TMEM47: variants seen among roughly 807,000 people sequenced by gnomAD.
TMEM47 encodes brain cell membrane protein 1.
TMEM47 carries 3 observed loss-of-function variants against 12.4 expected under a neutral mutation model. The observed-to-expected ratio is 0.24, with a 90% CI of 0.11 to 0.63. TMEM47 has a LOEUF of 0.63. Ranked by LOEUF, TMEM47 falls within the 20% of genes least tolerant of loss-of-function variation. The pLI is 0.86. For synonymous variants in TMEM47, 62 were observed against 63.3 expected, an observed-to-expected ratio of 0.98 and a Z score of 0.10; for missense variants, 89 against 143.8, an observed-to-expected ratio of 0.62 and a Z score of 1.95.
At chrX:34,651,699 A>G (rs1019467910) in intron 1 of TMEM47, among the ~76,000 whole-genome samples, 5 of 112,101 alleles carry the variant, frequency 4.5e-5, no homozygotes, top group Admixed American at 9.5e-5. Context: ...AGTTTCCTCA[A>G]TAATATATAG....
At chrX:34,638,226 T>C (rs1921750662) in intron 2 of TMEM47, among the ~76,000 whole-genome samples, 1 of 111,570 alleles carries the variant, frequency 9.0e-6, no homozygotes, top group Admixed American at 9.6e-5. Context: ...TATGCGATCT[T>C]GAGCAAGTCA....
chrX:34,652,996 G>C (rs920165399), intron 1 of TMEM47, among the ~76,000 whole-genome samples: 4 of 111,882 alleles, frequency 3.6e-5, no homozygotes, highest in African/African-American at 1.3e-4. Context: ...TTCGAATTAA[G>C]GAATAAATGC....
intron 1 of TMEM47, among the ~76,000 whole-genome samples, chrX:34,641,209 G>T (rs972862733): frequency 1.8e-5 from 2 of 110,506 alleles, no homozygotes; most frequent in African/African-American, 6.6e-5. Context: ...TCTAAAAACA[G>T]GTGTGTAAAT....
At chrX:34,643,856 A>T (rs1477580620) in intron 1 of TMEM47, among the ~76,000 whole-genome samples, 2 of 110,688 alleles carry the variant, frequency 1.8e-5, no homozygotes, top group African/African-American at 6.6e-5. Context: ...AGGAAATAAC[A>T]TACATCCTTG....
chrX:34,645,805 G>A (rs1219504278), intron 1 of TMEM47, among the ~76,000 whole-genome samples: 1 of 111,549 alleles, frequency 9.0e-6, no homozygotes, highest in Non-Finnish European at 1.9e-5. Flanking sequence ...TCCAATTTAA[G>A]GCAAGTAATT....
chrX:34,639,114 C>G, intron 2 of TMEM47, 133 bp downstream of exon 2: 2 of 814,303 alleles, frequency 2.5e-6, no homozygotes, highest in Non-Finnish European at 1.7e-6. Context: ...GCCAAGTTAC[C>G]TTAAAAATAT....
Position 34,639,402 on chromosome X carries a change from GA to G in TMEM47, c.227-16del. On this transcript the variant is annotated splice_polypyrimidine_tract_variant and intron_variant, in intron 1 of 2. Coordinates refer to ENST00000275954, the MANE Select transcript of TMEM47 (RefSeq NM_031442.4). ...AATCTGCCAATCTGGAAAGAAAAAA[GA>G]AATTGTTTTTGAGTAGTAAGTCCTC... is the stretch of plus-strand genomic sequence containing the variant. The G allele has an allele frequency of 8.3e-7, 1 of 1,200,473 alleles. No individual in the cohort carries two copies. Among genetic ancestry groups the G allele is most frequent in the Non-Finnish European group, 1.1e-6 (1 of 889,594 alleles).
intron 1 of TMEM47, among the ~76,000 whole-genome samples, chrX:34,649,352 G>A (rs1921972596): frequency 9.0e-6 from 1 of 111,659 alleles, no homozygotes; most frequent in Admixed American, 9.5e-5. Context: ...TATACACCAT[G>A]GAATACTATG....
intron 1 of TMEM47, among the ~76,000 whole-genome samples, chrX:34,656,455 G>T (rs12014628): frequency 1.8e-5 from 2 of 110,131 alleles, no homozygotes; most frequent in Non-Finnish European, 3.8e-5. Context: ...CTTTTTTAAC[G>T]GGGGTGTGGA....
At chrX:34,650,086 T>C (rs899160188) in intron 1 of TMEM47, among the ~76,000 whole-genome samples, 40 of 112,382 alleles carry the variant, frequency 3.6e-4, no homozygotes, top group African/African-American at 1.2e-3. Context: ...TGTTTATTTT[T>C]AAGCACTAGT....
At chrX:34,646,026 A>G (rs939082028) in intron 1 of TMEM47, among the ~76,000 whole-genome samples, 2 of 111,177 alleles carry the variant, frequency 1.8e-5, no homozygotes, top group Non-Finnish European at 3.8e-5. Flanking sequence ...ACAGACATAA[A>G]TGACTCCAGG....
chrX:34,654,344 A>C (rs2147143019), intron 1 of TMEM47, among the ~76,000 whole-genome samples: 1 of 111,922 alleles, frequency 8.9e-6, no homozygotes, highest in South Asian at 3.8e-4. Flanking sequence ...AAGGGCCTTC[A>C]GTAAAAGTGT....
At chrX:34,635,031 G>A (rs1333618919) in intron 2 of TMEM47, among the ~76,000 whole-genome samples, 1 of 111,684 alleles carries the variant, frequency 9.0e-6, no homozygotes, top group Non-Finnish European at 1.9e-5. Flanking sequence ...ATGCTACCCT[G>A]ACTTCCAATT....
chrX:34,633,364 G>C (rs950291079), intron 2 of TMEM47, among the ~76,000 whole-genome samples: 3 of 111,373 alleles, frequency 2.7e-5, no homozygotes, highest in Admixed American at 9.6e-5. Context: ...GAACAACATA[G>C]TGGGGACTGA....
At position 34,644,927 on chromosome X, in the gene TMEM47, T is replaced by A. The variant is rs373196177; in HGVS notation, c.227-5540A>T. On this transcript the variant is annotated intron_variant, in intron 1 of 2. Coordinates refer to ENST00000275954, the MANE Select transcript of TMEM47 (RefSeq NM_031442.4). ...GGAAATTATATTAACTAAAATGATA[T>A]CTATAACTGCAATAAAATAATTCAC... Among the ~76,000 whole-genome samples, 11 of 111,860 alleles carry A rather than the reference T, an allele frequency of 9.8e-5. No homozygotes were observed. The East Asian group carries it at 2.3e-3, about 23-fold the overall frequency.
At chrX:34,656,667 C>A (rs1379372140) in intron 1 of TMEM47, 137 bp downstream of exon 1, 1 of 1,053,344 alleles carries the variant, frequency 9.5e-7, no homozygotes, top group Non-Finnish European at 1.2e-6. Flanking sequence ...CCCCAGGATC[C>A]GAGAAGGGCC....
chrX:34,657,149 C>T lies in TMEM47; in HGVS notation c.-120G>A. 1 of 1,005,096 alleles carries T rather than the reference C, an allele frequency of 9.9e-7. No individual in the cohort carries two copies. Among genetic ancestry groups the T allele is most frequent in the South Asian group, 3.2e-5 (1 of 30,962 alleles). The allele number at this position is 1,005,096 out of a possible 1,213,427, so 82.8% of individuals were successfully genotyped here. A position where few individuals can be genotyped will look rare whatever the true frequency, so the allele number is the denominator to read the frequency against. On this transcript the variant is annotated 5_prime_UTR_variant, in exon 1 of 3. Transcript: ENST00000275954. ...GAGCTGCCACGCGCGGGGACTCGCT[C>T]CCTCGGGGCTCTGCGCGCCCCCTGC...
At position 34,656,608 on chromosome X, in the gene TMEM47, A is replaced by G. The variant is rs369506401; in HGVS notation, c.226+196T>C. Reference sequence around the variant, plus strand: ...GTGGGCTGTCGCTTTAGGTTTGGCGACCAGGGATGGGGAGGGAAGAGGGGT... The same window carrying G: ...GTGGGCTGTCGCTTTAGGTTTGGCGGCCAGGGATGGGGAGGGAAGAGGGGT... On this transcript the variant is annotated intron_variant, in intron 1 of 2. Transcript: ENST00000275954. 3.6e-4 allele frequency among the ~76,000 whole-genome samples: 40 copies of G among 110,557 alleles called. 1 individual carries two copies. The South Asian group carries it at 0.013, about 36-fold the overall frequency.
intron 1 of TMEM47, among the ~76,000 whole-genome samples, chrX:34,656,294 T>C (rs910554636): frequency 1.8e-5 from 2 of 110,784 alleles, no homozygotes; most frequent in Admixed American, 9.6e-5. Flanking sequence ...CCGAAATACA[T>C]TGGTGAAAAC....
Sources: gnomAD v4.1 joint callset for allele counts (sites outside exome capture counted in the v4.1 genomes callset) on GRCh38, gnomAD v4.1.1 for gene constraint, MANE v1.5 for transcripts, NCBI Gene and HGNC (gene_info 2026-07-23, HGNC 2026-07-21) for gene names.